The following ALAS1 variants were observed in gnomAD, a reference collection of about 807,000 sequenced individuals.
ALAS1 encodes 5'-aminolevulinate synthase 1.
In ALAS1, 29 loss-of-function variants were observed where a neutral mutation model predicts 59.6. The observed-to-expected ratio is 0.49, with a 90% CI of 0.36 to 0.66. The LOEUF is 0.66. Ranked by LOEUF, ALAS1 falls within the 30% of genes least tolerant of loss-of-function variation. ALAS1 has a pLI of 0.00. For synonymous variants in ALAS1, 299 were observed against 296.6 expected (o/e 1.01, Z -0.08); for missense variants, 690 against 807.5 (o/e 0.85, Z 1.76).
In ALAS1 at chr3:52,205,876, A is replaced by G. The variant is rs1256972957; in HGVS notation, c.838A>G (p.Thr280Ala). 2.5e-6 allele frequency: 4 copies of G among 1,614,104 alleles called. No individual in the cohort carries two copies. Among genetic ancestry groups the G allele is most frequent in the Non-Finnish European group, 3.4e-6 (4 of 1,179,996 alleles). Residue 280 changes from threonine (T) to alanine (A), a missense_variant, in exon 7 of 12, where the codon ACT becomes GCT. Physicochemically the swap from Thr to Ala is moderately conservative, Grantham distance 58. Coordinates refer to ENST00000484952, the MANE Select transcript of ALAS1 (RefSeq NM_000688.6). The part of the protein sequence containing the change: ...LKQHGAGAGG[T>A]RNISGTSKFH... ...ACAACATGGTGCTGGGGCAGGTGGT[A>G]CTAGAAATATTTCTGGAACTAGTAA...
In ALAS1 at chr3:52,202,532, C is replaced by T. The variant is rs747852115; in HGVS notation, c.225C>T (p.Val75=). Residue 75 remains valine (V), a synonymous_variant, in exon 4 of 12, where the codon GTC becomes GTT. Coordinates refer to ENST00000484952, the MANE Select transcript of ALAS1 (RefSeq NM_000688.6). ...AAGACAAAACTGCTAAGGCCAAGGT[C>T]CAACAGACTCCTGATGGATCCCAGC... The part of the protein sequence containing the change: ...SEKDKTAKAK[V]QQTPDGSQQS... The T allele has an allele frequency of 1.4e-5, 23 of 1,613,934 alleles. No individual in the cohort carries two copies. Among genetic ancestry groups the T allele is most frequent in the Non-Finnish European group, 1.9e-5 (22 of 1,179,934 alleles).
Position 52,212,383 on chromosome 3 carries a change from C to T in ALAS1, c.1725C>T (p.Thr575=). 1 of 1,614,112 alleles carries T rather than the reference C, an allele frequency of 6.2e-7. No homozygotes were observed. The highest frequency in any genetic ancestry group is 2.2e-5 in the East Asian group (1 of 44,886). The part of the protein sequence containing the change: ...RGEELLRIAP[T]PHHTPQMMNY... ...AAGAGCTCCTACGGATTGCCCCCAC[C>T]CCTCACCACACACCCCAGATGATGA... is the stretch of plus-strand genomic sequence containing the variant. The change falls in exon 11 of 12, where the codon ACC becomes ACT. Residue 575 remains threonine, a synonymous_variant. Coordinates refer to ENST00000484952, the MANE Select transcript of ALAS1 (RefSeq NM_000688.6).
intron 9 of ALAS1, among the ~76,000 whole-genome samples, chr3:52,209,140 C>G (rs1345326811): frequency 1.3e-5 from 2 of 152,190 alleles, no homozygotes; most frequent in African/African-American, 4.8e-5. Context: ...CCTGGGAGTT[C>G]TAAGGGTGGA....
chr3:52,209,486 C>A (rs558085055), intron 9 of ALAS1, among the ~76,000 whole-genome samples: 2 of 152,120 alleles, frequency 1.3e-5, no homozygotes. Flanking sequence ...GGATTACAGG[C>A]GTGAGCCACC....
At chr3:52,204,179 G>A (rs1353911315) in intron 5 of ALAS1, among the ~76,000 whole-genome samples, 167 bp downstream of exon 5, 2 of 152,208 alleles carry the variant, frequency 1.3e-5, no homozygotes, top group Non-Finnish European at 1.5e-5. Flanking sequence ...CCAGGAGTTT[G>A]AGGCCAGCCT....
chr3:52,205,746 T>G (rs1699278641), intron 6 of ALAS1, 93 bp from the exon 7 acceptor site: 2 of 1,240,810 alleles, frequency 1.6e-6, no homozygotes, highest in African/African-American at 3.1e-5. Context: ...ATCAACATGT[T>G]TCAGTCTCCT....
intron 9 of ALAS1, among the ~76,000 whole-genome samples, chr3:52,210,346 T>TG (rs1699380100): frequency 6.6e-6 from 1 of 152,166 alleles, no homozygotes; most frequent in Admixed American, 6.5e-5. Context: ...GCAGGGTATT[T>TG]GGGCACACTG....
chr3:52,204,073 A>C (rs1224431943), intron 5 of ALAS1, 61 bp downstream of exon 5: 1 of 1,515,998 alleles, frequency 6.6e-7, no homozygotes, highest in African/African-American at 1.4e-5. Flanking sequence ...TGTACATTAG[A>C]TTAAATATAA....
intron 3 of ALAS1, 49 bp downstream of exon 3, chr3:52,199,489 T>A: frequency 6.4e-7 from 1 of 1,565,562 alleles, no homozygotes; most frequent in Non-Finnish European, 8.7e-7. Flanking sequence ...TTGTGCTCAT[T>A]GGTAGACTAG....
At chr3:52,211,600 A>G (rs750696496) in intron 10 of ALAS1, 49 bp downstream of exon 10, 7 of 1,601,262 alleles carry the variant, frequency 4.4e-6, no homozygotes, top group Admixed American at 3.4e-5. Flanking sequence ...GCCTCTACAC[A>G]TGATGTACGG....
chr3:52,198,432 C>A (rs1009301578), intron 1 of ALAS1, among the ~76,000 whole-genome samples, 177 bp downstream of exon 1: 1 of 152,228 alleles, frequency 6.6e-6, no homozygotes, highest in Non-Finnish European at 1.5e-5. Context: ...CTCAGTTTCC[C>A]CCTTTCGGCC....
intron 9 of ALAS1, among the ~76,000 whole-genome samples, chr3:52,208,788 A>G (rs1699346308): frequency 6.6e-6 from 1 of 152,150 alleles, no homozygotes; most frequent in South Asian, 2.1e-4. Flanking sequence ...ACCTTTCTAT[A>G]CCTCAGTTTC....
At chr3:52,210,693 T>A (rs1226270642) in intron 9 of ALAS1, among the ~76,000 whole-genome samples, 1 of 151,850 alleles carries the variant, frequency 6.6e-6, no homozygotes, top group Non-Finnish European at 1.5e-5. Flanking sequence ...GCGGAAGGAA[T>A]ACTTGAGCCC....
intron 9 of ALAS1, 147 bp from the exon 10 acceptor site, chr3:52,211,136 G>A (rs931780536): frequency 2.1e-5 from 16 of 776,416 alleles, no homozygotes; most frequent in South Asian, 1.7e-4. Context: ...CATCATTAAT[G>A]TGGTGCATGA....
At chr3:52,200,689 T>A (rs747945810) in intron 3 of ALAS1, among the ~76,000 whole-genome samples, 3 of 152,216 alleles carry the variant, frequency 2.0e-5, no homozygotes, top group Non-Finnish European at 2.9e-5. Flanking sequence ...TGAGCTGAGA[T>A]CATGCCATGT....
In ALAS1 at chr3:52,211,532, G is replaced by C. The variant is rs1699409200; in HGVS notation, c.1580G>C (p.Ser527Thr). The C allele has an allele frequency of 1.1e-5, 18 of 1,614,222 alleles. No homozygotes were observed. Among genetic ancestry groups the C allele is most frequent in the Non-Finnish European group, 1.5e-5 (18 of 1,180,032 alleles). Reference protein sequence around the residue: ...DAGLPVVHCPSHIIPVRVADA... With the variant: ...DAGLPVVHCPTHIIPVRVADA... The stretch of plus-strand genomic sequence containing the variant: ...GGCCTCCCTGTTGTCCACTGCCCCA[G>C]CCACATCATCCCTGTGCGGGTAATG... The change falls in exon 10 of 12, where the codon AGC becomes ACC. Residue 527 changes from serine to threonine, a missense_variant. Physicochemically the swap from Ser to Thr is moderately conservative, Grantham distance 58 (BLOSUM62 1). Coordinates refer to ENST00000484952, the MANE Select transcript of ALAS1 (RefSeq NM_000688.6).
chr3:52,198,700 C>A lies in ALAS1; in HGVS notation c.-181C>A. The A allele has an allele frequency of 2.8e-6, 3 of 1,087,428 alleles. No individual in the cohort carries two copies. Among genetic ancestry groups the A allele is most frequent in the East Asian group, 2.6e-5 (1 of 38,862 alleles). 67.4% of individuals were successfully genotyped at this position (1,087,428 alleles called of 1,614,324 possible). A position where few individuals can be genotyped will look rare whatever the true frequency, so the allele number is the denominator to read the frequency against. On this transcript the variant is annotated 5_prime_UTR_variant, in exon 2 of 12. Coordinates refer to ENST00000484952, the MANE Select transcript of ALAS1 (RefSeq NM_000688.6). ...TGCCCAGTTCTTCCCGCTGTGGGGA[C>A]ACGACCACGGAGGAATCCTTGCTTC...
At chr3:52,206,105 C>A in intron 7 of ALAS1, 82 bp downstream of exon 7, 2 of 1,270,510 alleles carry the variant, frequency 1.6e-6, no homozygotes, top group Non-Finnish European at 2.2e-6. Flanking sequence ...AGAAGCCTTA[C>A]CAGAACCTCT....
At position 52,206,711 on chromosome 3, in the gene ALAS1, C is replaced by T. The variant is rs367967930; in HGVS notation, c.1125C>T (p.Val375=). The change falls in exon 8 of 12, where the codon GTC becomes GTT. Residue 375 remains valine (V), a synonymous_variant. Coordinates refer to ENST00000484952, the MANE Select transcript of ALAS1 (RefSeq NM_000688.6). ...TGCTGCAAAGATCTGACCCCTCAGT[C>T]CCCAAGATTGTGGCATTTGAAACTG... ...RELLQRSDPS[V]PKIVAFETVH... 6.2e-7 allele frequency: 1 copy of T among 1,614,182 alleles called. No individual in the cohort carries two copies. Among genetic ancestry groups the T allele is most frequent in the East Asian group, 2.2e-5 (1 of 44,880 alleles).
Sources: gnomAD v4.1 joint callset for allele counts (sites outside exome capture counted in the v4.1 genomes callset) on GRCh38, gnomAD v4.1.1 for gene constraint, MANE v1.5 for transcripts, NCBI Gene and HGNC (gene_info 2026-07-23, HGNC 2026-07-21) for gene names.